The following SPRR4 variants were observed in gnomAD, a reference collection of about 807,000 sequenced individuals.
The protein encoded by SPRR4 is small proline rich protein 4.
For missense variants in SPRR4, 106 were observed against 91.6 expected (o/e 1.16, Z -0.64); for synonymous variants, 30 against 34.3 (o/e 0.87, Z 0.44).
chr1:152,969,611 G>T (rs1651772475), upstream of SPRR4, among the ~76,000 whole-genome samples: 1 of 152,116 alleles, frequency 6.6e-6, no homozygotes, highest in Non-Finnish European at 1.5e-5. Context: ...AGGCTAAATG[G>T]AGGACCAGGG....
Position 152,972,317 on chromosome 1 carries a change from T to C in SPRR4, c.*187T>C. ...CTTCCCCACACATACCACCTTGGCTTCTTCTATATCCCACCCCGATGCTCT... is the reference window on the plus strand; with the variant it reads ...CTTCCCCACACATACCACCTTGGCTCCTTCTATATCCCACCCCGATGCTCT... On this transcript the variant is annotated 3_prime_UTR_variant, in exon 2 of 2. Coordinates refer to ENST00000328051, the MANE Select transcript of SPRR4 (RefSeq NM_173080.3). 1.1e-6 allele frequency: 1 copy of C among 947,452 alleles called. No individual in the cohort carries two copies. The highest frequency in any genetic ancestry group is 1.6e-6 in the Non-Finnish European group (1 of 641,808). The allele number at this position is 947,452 out of a possible 1,614,324, so 58.7% of individuals were successfully genotyped here.
In SPRR4 at chr1:152,972,063, G is replaced by A. The variant is rs144926423; in HGVS notation, c.173G>A (p.Gly58Asp). The A allele has an allele frequency of 1.7e-5, 28 of 1,614,010 alleles. No individual in the cohort carries two copies. The South Asian group carries it at 2.4e-4, about 14-fold the overall frequency. Residue 58 changes from glycine to aspartate, a missense_variant, in exon 2 of 2, where the codon GGC (glycine) becomes GAC (aspartate). Gly to Asp is a moderately conservative substitution (Grantham distance 94, BLOSUM62 -1). Coordinates refer to ENST00000328051, the MANE Select transcript of SPRR4 (RefSeq NM_173080.3). ...GTCAAGAAGCAATGCCCACCGAAAG[G>A]CACCATCATTCCAGCCCAGCAGAAG... Reference protein sequence around the residue: ...PQVKKQCPPKGTIIPAQQKCP... With the variant: ...PQVKKQCPPKDTIIPAQQKCP...
chr1:152,971,917 G>A lies in SPRR4; in HGVS notation c.27G>A (p.Gln9=). 1 of 1,614,052 alleles carries A rather than the reference G, an allele frequency of 6.2e-7. No homozygotes were observed. The highest frequency in any genetic ancestry group is 8.5e-7 in the Non-Finnish European group (1 of 1,180,010). ...TGTCTTCCCAGCAGCAGCAGCGGCAGCAGCAGCAGTGCCCACCCCAGAGGG... is the reference window on the plus strand; with the variant it reads ...TGTCTTCCCAGCAGCAGCAGCGGCAACAGCAGCAGTGCCCACCCCAGAGGG... MSSQQQQR[Q]QQQCPPQRAQ... is the part of the protein sequence containing the mutation. Residue 9 remains glutamine, a synonymous_variant, in exon 2 of 2, where the codon CAG becomes CAA. Coordinates refer to ENST00000328051, the MANE Select transcript of SPRR4 (RefSeq NM_173080.3).
chr1:152,971,035 A>G (rs1245554463), intron 1 of SPRR4, among the ~76,000 whole-genome samples: 1 of 152,182 alleles, frequency 6.6e-6, no homozygotes, highest in Non-Finnish European at 1.5e-5. Context: ...CATTTTGCTT[A>G]CCAGTAAGCT....
At position 152,971,913 on chromosome 1, in the gene SPRR4, G is replaced by GCAGCAGCAGCAGCA; in HGVS notation, c.23_24insCAGCAGCAGCAGCA (p.Gln9SerfsTer20). The GCAGCAGCAGCAGCA allele has an allele frequency of 2.5e-6, 4 of 1,613,712 alleles. No homozygotes were observed. The highest frequency in any genetic ancestry group is 1.6e-4 in the Middle Eastern group (1 of 6,062). ...GCAATGTCTTCCCAGCAGCAGCAGCGGCAGCAGCAGCAGTGCCCACCCCAG... is the reference window on the plus strand; with the variant it reads ...GCAATGTCTTCCCAGCAGCAGCAGCGCAGCAGCAGCAGCAGCAGCAGCAGCAGTGCCCACCCCAG... On this transcript the variant is annotated frameshift_variant, in exon 2 of 2. Coordinates refer to ENST00000328051, the MANE Select transcript of SPRR4 (RefSeq NM_173080.3). LOFTEE classifies it low-confidence loss of function (END_TRUNC).
chr1:152,970,128 G>A (rs1651787501), upstream of SPRR4, among the ~76,000 whole-genome samples: 1 of 152,150 alleles, frequency 6.6e-6, no homozygotes, highest in East Asian at 1.9e-4. Context: ...ATCTTTCTCA[G>A]CCTCACTTTT....
At position 152,972,243 on chromosome 1, in the gene SPRR4, C is replaced by T. The variant is rs189841557; in HGVS notation, c.*113C>T. 1.4e-6 allele frequency: 2 copies of T among 1,467,490 alleles called. No individual in the cohort carries two copies. The highest frequency in any genetic ancestry group is 1.8e-6 in the Non-Finnish European group (2 of 1,086,032). 90.9% of individuals were successfully genotyped at this position (1,467,490 alleles called of 1,614,324 possible). A position where few individuals can be genotyped will look rare whatever the true frequency, so the allele number is the denominator to read the frequency against. ...AGCCTACCCTCCTCTCACATCTCCT[C>T]CTGCCCAAGATGTAAGGAAGCATTG... is the stretch of plus-strand genomic sequence containing the variant. On this transcript the variant is annotated 3_prime_UTR_variant, in exon 2 of 2. Coordinates refer to ENST00000328051, the MANE Select transcript of SPRR4 (RefSeq NM_173080.3).
At position 152,972,072 on chromosome 1, in the gene SPRR4, T is replaced by C. The variant is rs1651865869; in HGVS notation, c.182T>C (p.Ile61Thr). The change falls in exon 2 of 2, where the codon ATT becomes ACT. Residue 61 changes from isoleucine to threonine, a missense_variant. Transcript: ENST00000328051. ...CAATGCCCACCGAAAGGCACCATCATTCCAGCCCAGCAGAAGTGTCCCTCA... is the reference window on the plus strand; with the variant it reads ...CAATGCCCACCGAAAGGCACCATCACTCCAGCCCAGCAGAAGTGTCCCTCA... ...KKQCPPKGTI[I>T]PAQQKCPSAQ... 6.2e-7 allele frequency: 1 copy of C among 1,614,042 alleles called. No individual in the cohort carries two copies. Among genetic ancestry groups the C allele is most frequent in the Non-Finnish European group, 8.5e-7 (1 of 1,179,994 alleles).
At chr1:152,971,578 TCACA>T (rs57593504) in intron 1 of SPRR4, among the ~76,000 whole-genome samples, 57,377 of 143,984 alleles carry the variant, frequency 0.4, 12,422 homozygotes, top group Non-Finnish European at 0.52. Context: ...GCCCGATCTC[TCACA>T]CACACACACA....
rs757488352 is a variant in SPRR4, at chr1:152,971,910, A to G, written c.20A>G (p.Gln7Arg). The G allele has an allele frequency of 1.2e-6, 2 of 1,613,090 alleles. No homozygotes were observed. Among genetic ancestry groups the G allele is most frequent in the Non-Finnish European group, 1.7e-6 (2 of 1,179,964 alleles). The stretch of plus-strand genomic sequence containing the variant: ...AGAGCAATGTCTTCCCAGCAGCAGC[A>G]GCGGCAGCAGCAGCAGTGCCCACCC... MSSQQQ[Q>R]RQQQQCPPQR... Residue 7 changes from glutamine (Q) to arginine (R), a missense_variant, in exon 2 of 2, where the codon CAG (glutamine) becomes CGG (arginine). Gln to Arg is a conservative substitution (Grantham distance 43). Transcript: ENST00000328051.
chr1:152,972,390 G>C lies in SPRR4; in HGVS notation c.*260G>C, dbSNP rs951536125. ...CTCATTCTCTGCAGGCTCCAGCGTG[G>C]CCACAGCTAAGGCCCATCCATTTCC... On this transcript the variant is annotated 3_prime_UTR_variant, in exon 2 of 2. Transcript: ENST00000328051. The C allele has an allele frequency of 9.1e-6, 5 of 548,868 alleles. No individual in the cohort carries two copies. In the Admixed American group the frequency reaches 1.3e-4, roughly 14 times the overall value. The allele number at this position is 548,868 out of a possible 1,614,324, so 34.0% of individuals were successfully genotyped here.
rs1051382686 is a variant in SPRR4, at chr1:152,972,252, G to A, written c.*122G>A. On this transcript the variant is annotated 3_prime_UTR_variant, in exon 2 of 2. Coordinates refer to ENST00000328051, the MANE Select transcript of SPRR4 (RefSeq NM_173080.3). ...TCCTCTCACATCTCCTCCTGCCCAA[G>A]ATGTAAGGAAGCATTGTAAGGATTT... 3.3e-5 allele frequency: 48 copies of A among 1,439,362 alleles called. No individual in the cohort carries two copies. Among genetic ancestry groups the A allele is most frequent in the Non-Finnish European group, 4.0e-5 (43 of 1,066,696 alleles). The allele number at this position is 1,439,362 out of a possible 1,614,324, so 89.2% of individuals were successfully genotyped here. A position where few individuals can be genotyped will look rare whatever the true frequency, so the allele number is the denominator to read the frequency against.
rs1428195336 is a variant in SPRR4, at chr1:152,971,897, TC to T, written c.10del (p.Gln4SerfsTer20). Reference sequence around the variant, plus strand: ...CTCACCTGTTCCTAGAGCAATGTCTTCCCAGCAGCAGCAGCGGCAGCAGCAG... The same window carrying T: ...CTCACCTGTTCCTAGAGCAATGTCTTCCAGCAGCAGCAGCGGCAGCAGCAG... MS[S>X]QQQQRQQQQC... On this transcript the variant is annotated frameshift_variant, in exon 2 of 2. Transcript: ENST00000328051. LOFTEE classifies it low-confidence loss of function (END_TRUNC). 1 of 1,613,612 alleles carries T rather than the reference TC, an allele frequency of 6.2e-7. No individual in the cohort carries two copies. Among genetic ancestry groups the T allele is most frequent in the East Asian group, 2.2e-5 (1 of 44,874 alleles).
chr1:152,971,576 TCTCACACACA>T (rs1355182359), intron 1 of SPRR4, among the ~76,000 whole-genome samples: 12 of 112,032 alleles, frequency 1.1e-4, no homozygotes, highest in African/African-American at 4.1e-4. Flanking sequence ...CAGCCCGATC[TCTCACACACA>T]CACACACACA....
At chr1:152,971,103 A>C (rs1651830220) in intron 1 of SPRR4, among the ~76,000 whole-genome samples, 2 of 152,162 alleles carry the variant, frequency 1.3e-5, no homozygotes, top group African/African-American at 4.8e-5. Flanking sequence ...ATTCAATCCT[A>C]TGCAGCTCTC....
intron 1 of SPRR4, among the ~76,000 whole-genome samples, chr1:152,971,411 A>T (rs944788300): frequency 1.7e-4 from 26 of 152,134 alleles, no homozygotes; most frequent in Admixed American, 1.2e-3. Flanking sequence ...GGCTCCAGTG[A>T]TCTATTTGGC....
At chr1:152,969,496 C>T (rs1651769631), upstream of SPRR4, among the ~76,000 whole-genome samples, 1 of 152,174 alleles carries the variant, frequency 6.6e-6, no homozygotes, top group Non-Finnish European at 1.5e-5. Flanking sequence ...TGAGCCCTTG[C>T]ATGGCCTCTT....
At chr1:152,969,687 C>T (rs1260598876), upstream of SPRR4, among the ~76,000 whole-genome samples, 1 of 152,176 alleles carries the variant, frequency 6.6e-6, no homozygotes, top group Non-Finnish European at 1.5e-5. Context: ...AAAATAGAGC[C>T]TGCCCAGTGA....
chr1:152,970,608 T>G (rs1397351472), upstream of SPRR4: 1 of 152,194 alleles, frequency 6.6e-6, no homozygotes, highest in Admixed American at 6.5e-5. Context: ...CCAGGGCAGG[T>G]TGGGGGCCCT....
Sources: allele counts gnomAD v4.1 joint callset (sites outside exome capture counted in the v4.1 genomes callset), GRCh38; gene constraint gnomAD v4.1.1; transcripts MANE v1.5; gene names NCBI Gene and HGNC (gene_info 2026-07-23, HGNC 2026-07-21).